Variants in ASH2L observed in about 807,000 individuals in gnomAD.
The protein encoded by ASH2L is ASH2 like, histone lysine methyltransferase complex subunit.
In ASH2L, 30 loss-of-function variants were observed where a neutral mutation model predicts 81.1. The ratio of observed to expected loss-of-function variants is 0.37; its 90% CI spans 0.28 to 0.50. ASH2L has a LOEUF of 0.50. Among genes scored for constraint, ASH2L ranks in the 20% least tolerant of loss-of-function variants. The probability of loss-of-function intolerance (pLI) is 0.95; values close to 1 mark genes in which losing one functional copy is unlikely to be tolerated. For synonymous variants in ASH2L, 273 were observed against 279.9 expected, an observed-to-expected ratio of 0.98 and a Z score of 0.24; for missense variants, 559 against 792.1, an observed-to-expected ratio of 0.71 and a Z score of 3.53.
intron 5 of ASH2L, among the ~76,000 whole-genome samples, chr8:38,113,860 G>C (rs940433962): frequency 6.6e-5 from 10 of 152,200 alleles, no homozygotes; most frequent in African/African-American, 2.4e-4. Context: ...GTAGAAATAG[G>C]AGTTCAAGAG....
intron 12 of ASH2L, among the ~76,000 whole-genome samples, chr8:38,129,404 G>C (rs914982513): frequency 6.6e-6 from 1 of 152,146 alleles, no homozygotes; most frequent in Non-Finnish European, 1.5e-5. Context: ...GCCAAGCTGG[G>C]AGGACTGCTT....
intron 1 of ASH2L, chr8:38,106,092 G>A (rs929018792): frequency 2.6e-6 from 4 of 1,524,594 alleles, no homozygotes; most frequent in African/African-American, 2.7e-5. Context: ...AAACAGGGTG[G>A]GAGAGCTGCC....
Position 38,127,974 on chromosome 8 carries a change from A to G in ASH2L, c.1166-317A>G, listed in dbSNP as rs1276749509. Among the ~76,000 whole-genome samples the G allele has an allele frequency of 2.0e-5, 3 of 151,606 alleles. No individual in the cohort carries two copies. The East Asian group carries it at 5.8e-4, about 29-fold the overall frequency. On this transcript the variant is annotated intron_variant, in intron 10 of 15. Coordinates refer to ENST00000343823, the MANE Select transcript of ASH2L (RefSeq NM_004674.5). The stretch of plus-strand genomic sequence containing the variant: ...GGCAGGAAAATTGCTTGAACCCGGG[A>G]GGTGGAGGTTGCAGTGAGCCGAGAT...
In ASH2L at chr8:38,114,955, TA is replaced by T; in HGVS notation, c.735del (p.Asp246IlefsTer38). 2 of 1,613,172 alleles carry T rather than the reference TA, an allele frequency of 1.2e-6. No homozygotes were observed. The highest frequency in any genetic ancestry group is 1.7e-6 in the Non-Finnish European group (2 of 1,179,174). On this transcript the variant is annotated frameshift_variant, in exon 7 of 16. Coordinates refer to ENST00000343823, the MANE Select transcript of ASH2L (RefSeq NM_004674.5). LOFTEE classifies it high-confidence loss of function. ...TAAAGGAACACCCAGATCCAGGCAG[TA>T]AAGATCCAGAAGAAGATTACCCCAA... The part of the protein sequence containing the change: ...LVKEHPDPGS[K>X]DPEEDYPKFG...
chr8:38,126,744 C>T (rs1459454165), intron 10 of ASH2L, among the ~76,000 whole-genome samples: 1 of 150,516 alleles, frequency 6.6e-6, no homozygotes, highest in Non-Finnish European at 1.5e-5. Context: ...ATCCCAGCTA[C>T]TTGGGAGGCT....
chr8:38,120,792 T>A, intron 9 of ASH2L, 140 bp from the exon 10 acceptor site: 1 of 677,014 alleles, frequency 1.5e-6, no homozygotes, highest in Non-Finnish European at 2.5e-6. Flanking sequence ...GCAGAGTTAC[T>A]TATTTGAGTA....
At position 38,114,227 on chromosome 8, in the gene ASH2L, C is replaced by T. The variant is rs1810802137; in HGVS notation, c.621C>T (p.Cys207=). ...IIPFIDKYWE[C]MTTRQRPGKM... is the part of the protein sequence containing the mutation. ...CATTTATTGATAAATACTGGGAGTG[C>T]ATGACAACCAGACAGAGACCTGGGA... The change falls in exon 6 of 16, where the codon TGC becomes TGT. Residue 207 remains cysteine, a synonymous_variant. Transcript: ENST00000343823. 2 of 1,604,858 alleles carry T rather than the reference C, an allele frequency of 1.2e-6. No homozygotes were observed. The highest frequency in any genetic ancestry group is 1.7e-5 in the Admixed American group (1 of 58,380).
chr8:38,107,689 AGAAT>A (rs1446893993), intron 3 of ASH2L, among the ~76,000 whole-genome samples: 1 of 152,140 alleles, frequency 6.6e-6, no homozygotes, highest in East Asian at 1.9e-4. Context: ...ATTGTGATTG[AGAAT>A]GAAAGACTTT....
chr8:38,133,719 G>A (rs1354867400), intron 13 of ASH2L, among the ~76,000 whole-genome samples, 173 bp downstream of exon 13: 1 of 152,178 alleles, frequency 6.6e-6, no homozygotes, highest in Non-Finnish European at 1.5e-5. Flanking sequence ...TCTTTATGTA[G>A]TACCATGCTT....
chr8:38,123,902 G>A (rs1046328744), intron 10 of ASH2L, among the ~76,000 whole-genome samples: 1 of 152,122 alleles, frequency 6.6e-6, no homozygotes, highest in African/African-American at 2.4e-5. Flanking sequence ...AGGCAGTGGC[G>A]TGATCTCGGC....
Position 38,119,381 on chromosome 8 carries a change from C to A in ASH2L, c.947+18C>A. Reference sequence around the variant, plus strand: ...GCCCGGAGGTGGGGAGAGTGCCCACCCTGCCCCCCTCACTATTTAAGTATT... The same window carrying A: ...GCCCGGAGGTGGGGAGAGTGCCCACACTGCCCCCCTCACTATTTAAGTATT... On this transcript the variant is annotated intron_variant, in intron 9 of 15. Transcript: ENST00000343823. The A allele has an allele frequency of 6.7e-7, 1 of 1,496,448 alleles. No homozygotes were observed. 92.7% of individuals were successfully genotyped at this position (1,496,448 alleles called of 1,614,324 possible).
chr8:38,112,312 A>G (rs558709723), intron 5 of ASH2L, among the ~76,000 whole-genome samples: 2 of 151,662 alleles, frequency 1.3e-5, no homozygotes, highest in Non-Finnish European at 2.9e-5. Context: ...TTATTTATTT[A>G]TTTATTTATT....
At chr8:38,123,270 G>A (rs1801705133) in intron 10 of ASH2L, 1 of 151,908 alleles carries the variant, frequency 6.6e-6, no homozygotes, top group Non-Finnish European at 1.5e-5. Context: ...ATCTTTAGTA[G>A]AGACGGGGTT....
At chr8:38,119,400 A>T (rs2130514539) in intron 9 of ASH2L, 37 bp downstream of exon 9, 1 of 1,460,916 alleles carries the variant, frequency 6.8e-7, no homozygotes, top group Admixed American at 2.7e-5. Context: ...CTCACTATTT[A>T]AGTATTATTT....
At chr8:38,125,330 G>C (rs1386064925) in intron 10 of ASH2L, among the ~76,000 whole-genome samples, 1 of 151,970 alleles carries the variant, frequency 6.6e-6, no homozygotes, top group Non-Finnish European at 1.5e-5. Flanking sequence ...TTAAAAATGC[G>C]GCTATTGGGG....
At chr8:38,118,068 A>G (rs1340781982) in intron 8 of ASH2L, among the ~76,000 whole-genome samples, 1 of 152,216 alleles carries the variant, frequency 6.6e-6, no homozygotes, top group African/African-American at 2.4e-5. Context: ...CAAAAAAACA[A>G]AAATTTAATT....
chr8:38,126,196 CTA>C (rs1387188028), intron 10 of ASH2L, among the ~76,000 whole-genome samples: 6 of 150,568 alleles, frequency 4.0e-5, no homozygotes, highest in Non-Finnish European at 8.9e-5. Flanking sequence ...GAGCAAGACT[CTA>C]TCTCCAAAAA....
At chr8:38,114,138 G>T in intron 5 of ASH2L, 54 bp from the exon 6 acceptor site, 1 of 1,075,912 alleles carries the variant, frequency 9.3e-7, no homozygotes, top group Non-Finnish European at 1.3e-6. Flanking sequence ...TTCTTTCTTT[G>T]TCAGCATATC....
intron 1 of ASH2L, 51 bp from the exon 2 acceptor site, chr8:38,106,327 T>A: frequency 6.4e-7 from 1 of 1,560,316 alleles, no homozygotes; most frequent in South Asian, 1.1e-5. Context: ...GAATAGGCAT[T>A]TTGAGGTTTG....
Sources: gnomAD v4.1 joint callset for allele counts (sites outside exome capture counted in the v4.1 genomes callset) on GRCh38, gnomAD v4.1.1 for gene constraint, MANE v1.5 for transcripts, NCBI Gene and HGNC (gene_info 2026-07-23, HGNC 2026-07-21) for gene names.